The following MYO6 variants were observed in gnomAD, a reference collection of about 807,000 sequenced individuals.
MYO6 encodes myosin VI.
In MYO6, 74 loss-of-function variants were observed where a neutral mutation model predicts 178.7. The ratio of observed to expected loss-of-function variants is 0.41; its 90% CI spans 0.34 to 0.50. MYO6 has a LOEUF of 0.50. Ranked by LOEUF, MYO6 falls within the 20% of genes least tolerant of loss-of-function variation. MYO6 has a pLI of 0.09. For missense variants in MYO6, 1,330 were observed against 1,547.4 expected, an observed-to-expected ratio of 0.86 and a Z score of 2.36; for synonymous variants, 477 against 504.6, an observed-to-expected ratio of 0.95 and a Z score of 0.73.
At chr6:75,906,251 C>T (rs557928272) in intron 30 of MYO6, among the ~76,000 whole-genome samples, 10 of 152,146 alleles carry the variant, frequency 6.6e-5, no homozygotes, top group Non-Finnish European at 1.2e-4. Flanking sequence ...TTACCTTGAG[C>T]TTAAAGTCTT....
intron 19 of MYO6, among the ~76,000 whole-genome samples, chr6:75,872,514 T>C (rs1375181511): frequency 2.0e-5 from 3 of 152,180 alleles, no homozygotes; most frequent in Non-Finnish European, 4.4e-5. Flanking sequence ...ATTTACTCCT[T>C]TTGTCATAGG....
chr6:75,866,560 A>C lies in MYO6; in HGVS notation c.1709A>C (p.Asn570Thr), dbSNP rs1054340340. The change falls in exon 17 of 35, where the codon AAT becomes ACT. Residue 570 changes from asparagine (N) to threonine (T), a missense_variant. By Grantham distance (65) the Asn-to-Thr change is moderately conservative. This residue lies in a region of MYO6 where 613 missense variants were observed against 816.8 expected (regional missense o/e 0.75). Transcript: ENST00000369977. ...PRKSKLAVHR[N>T]IRDDEGFIIR... is the part of the protein sequence containing the mutation. Reference sequence around the variant, plus strand: ...AAATCTAAGCTGGCAGTTCATAGGAATATCAGAGACGACGAAGGCTTCATT... The same window carrying C: ...AAATCTAAGCTGGCAGTTCATAGGACTATCAGAGACGACGAAGGCTTCATT... The C allele has an allele frequency of 1.2e-6, 2 of 1,613,978 alleles. No homozygotes were observed. The highest frequency in any genetic ancestry group is 2.7e-5 in the African/African-American group (2 of 74,934).
chr6:75,884,223 T>C (rs1366162033), intron 23 of MYO6, among the ~76,000 whole-genome samples: 1 of 152,208 alleles, frequency 6.6e-6, no homozygotes, highest in Non-Finnish European at 1.5e-5. Flanking sequence ...CAGATCATCC[T>C]AGGAAATTGT....
At chr6:75,765,422 C>G (rs1583003914) in intron 1 of MYO6, among the ~76,000 whole-genome samples, 2 of 151,924 alleles carry the variant, frequency 1.3e-5, no homozygotes, top group Non-Finnish European at 2.9e-5. Flanking sequence ...AGTGATCTGC[C>G]TGCCTCAGCC....
At chr6:75,834,327 GGGCCAA>G (rs1332967702) in intron 6 of MYO6, among the ~76,000 whole-genome samples, 1 of 151,928 alleles carries the variant, frequency 6.6e-6, no homozygotes, top group Admixed American at 6.6e-5. Context: ...CGACCTCCTG[GGGCCAA>G]GTGATCCTCC....
At chr6:75,774,370 A>G (rs1217783989) in intron 1 of MYO6, among the ~76,000 whole-genome samples, 1 of 152,136 alleles carries the variant, frequency 6.6e-6, no homozygotes, top group East Asian at 1.9e-4. Context: ...TAATTGATAG[A>G]CCCATAATCC....
intron 16 of MYO6, among the ~76,000 whole-genome samples, chr6:75,863,159 A>G (rs1332887771): frequency 6.6e-6 from 1 of 152,136 alleles, no homozygotes; most frequent in Admixed American, 6.5e-5. Context: ...AGTGGGTATC[A>G]GTTGCTTTGT....
chr6:75,862,344 A>G lies in MYO6; in HGVS notation c.1547-252A>G, dbSNP rs3798437. 0.13 allele frequency among the ~76,000 whole-genome samples: 19,544 copies of G among 152,232 alleles called. 1,327 individuals carry two copies. Among genetic ancestry groups the G allele is most frequent in the Non-Finnish European group, 0.15 (10,154 of 68,000 alleles). On this transcript the variant is annotated intron_variant, in intron 15 of 34. Transcript: ENST00000369977. ...CTGGTTTACAAATGGAATGGTTATT[A>G]TAGTCATTTGCTTTCTTTATGTAGT...
intron 1 of MYO6, among the ~76,000 whole-genome samples, chr6:75,797,017 G>A (rs543654097): frequency 3.1e-4 from 47 of 152,220 alleles, no homozygotes; most frequent in African/African-American, 8.7e-4. Flanking sequence ...TTCCATGTCT[G>A]TTGTGAATAG....
chr6:75,913,233 A>G (rs1025440677), intron 33 of MYO6, among the ~76,000 whole-genome samples: 1 of 152,192 alleles, frequency 6.6e-6, no homozygotes, highest in African/African-American at 2.4e-5. Flanking sequence ...AAATGTTTAC[A>G]TTTGCAGATA....
At chr6:75,817,357 G>A in intron 1 of MYO6, 144 bp from the exon 2 acceptor site, 2 of 606,592 alleles carry the variant, frequency 3.3e-6, no homozygotes, top group Admixed American at 2.6e-5. Context: ...CAAGAGGCAA[G>A]GGAGGAGGTG....
intron 1 of MYO6, among the ~76,000 whole-genome samples, chr6:75,757,814 A>C (rs1777590576): frequency 6.6e-6 from 1 of 152,072 alleles, no homozygotes; most frequent in Non-Finnish European, 1.5e-5. Context: ...GAATTAGATA[A>C]TAATACATGT....
chr6:75,854,116 G>A (rs552454814), intron 11 of MYO6, among the ~76,000 whole-genome samples: 3 of 152,132 alleles, frequency 2.0e-5, no homozygotes, highest in East Asian at 3.9e-4. Flanking sequence ...GATGTACTAA[G>A]GCAAAAATGA....
chr6:75,862,828 C>A (rs538224054), intron 16 of MYO6, 105 bp downstream of exon 16: 5 of 1,314,724 alleles, frequency 3.8e-6, no homozygotes, highest in Admixed American at 3.4e-5. Context: ...AAAATTATGG[C>A]GTGTATAGAG....
At chr6:75,749,931 A>G (rs1216417944) in intron 1 of MYO6, among the ~76,000 whole-genome samples, 1 of 152,164 alleles carries the variant, frequency 6.6e-6, no homozygotes, top group Non-Finnish European at 1.5e-5. Flanking sequence ...ATTTACGGAT[A>G]TGCTACTGAA....
chr6:75,856,536 TA>T (rs1775730640), intron 12 of MYO6, among the ~76,000 whole-genome samples: 1 of 151,846 alleles, frequency 6.6e-6, no homozygotes, highest in Admixed American at 6.6e-5. Flanking sequence ...TTTATGATAG[TA>T]TTTAGCATGG....
At chr6:75,884,292 A>G (rs776139015) in intron 23 of MYO6, among the ~76,000 whole-genome samples, 1 of 152,208 alleles carries the variant, frequency 6.6e-6, no homozygotes, top group Non-Finnish European at 1.5e-5. Context: ...TTCACTCAGT[A>G]TGTTCATTGT....
chr6:75,903,998 G>A (rs1780050643), intron 30 of MYO6, among the ~76,000 whole-genome samples: 1 of 151,912 alleles, frequency 6.6e-6, no homozygotes, highest in Admixed American at 6.6e-5. Context: ...GCTTAGTTTG[G>A]CTGGATATGA....
In MYO6 at chr6:75,841,266, T is replaced by A; in HGVS notation, c.704T>A (p.Ile235Asn). The A allele has an allele frequency of 6.2e-7, 1 of 1,613,952 alleles. No homozygotes were observed. ...VSHYLLEKSRICVQGKEERNY... is the reference protein window; with the variant it reads ...VSHYLLEKSRNCVQGKEERNY... ...CATTATCTCCTAGAGAAATCTAGGA[T>A]CTGTGTTCAAGGCAAAGAGGAAAGA... The change falls in exon 9 of 35, where the codon ATC (isoleucine) becomes AAC (asparagine). Residue 235 changes from isoleucine (I) to asparagine (N), a missense_variant. Ile to Asn is a moderately radical substitution (Grantham distance 149, BLOSUM62 -3). This residue lies in a region of MYO6 where 613 missense variants were observed against 816.8 expected (regional missense o/e 0.75). Transcript: ENST00000369977.
Sources: allele counts gnomAD v4.1 joint callset (sites outside exome capture counted in the v4.1 genomes callset), GRCh38; gene constraint gnomAD v4.1.1; regional missense constraint gnomAD v4.1.1; transcripts MANE v1.5; gene names NCBI Gene and HGNC (gene_info 2026-07-23, HGNC 2026-07-21).